Variants in RPRD2 observed in about 807,000 individuals in gnomAD.
RPRD2 encodes the protein regulation of nuclear pre-mRNA domain-containing protein 2.
In RPRD2, 12 loss-of-function variants were observed where a neutral mutation model predicts 104.4. The ratio of observed to expected loss-of-function variants is 0.11; its 90% CI spans 0.07 to 0.19. The LOEUF (loss-of-function observed/expected upper bound fraction) is 0.19. Among genes scored for constraint, RPRD2 ranks in the 10% least tolerant of loss-of-function variants. The pLI is 1.00. For synonymous variants in RPRD2, 714 were observed against 684.9 expected (o/e 1.04, Z -0.66); for missense variants, 1,543 against 1,790.1 (o/e 0.86, Z 2.49).
chr1:150,451,389 C>A (rs1323855252), intron 7 of RPRD2, among the ~76,000 whole-genome samples: 2 of 151,950 alleles, frequency 1.3e-5, no homozygotes, highest in Non-Finnish European at 2.9e-5. Context: ...AATTATGCAC[C>A]CCAGGCCGGG....
intron 7 of RPRD2, among the ~76,000 whole-genome samples, chr1:150,450,262 G>C (rs1425460716): frequency 4.6e-5 from 7 of 152,022 alleles, no homozygotes; most frequent in Admixed American, 4.6e-4. Context: ...GTTTTAGTGT[G>C]TATTTCCTAC....
At chr1:150,446,737 G>A (rs1666799519) in intron 7 of RPRD2, among the ~76,000 whole-genome samples, 1 of 151,740 alleles carries the variant, frequency 6.6e-6, no homozygotes, top group South Asian at 2.1e-4. Context: ...CAACAAGAGT[G>A]AGACCCGTCT....
At chr1:150,449,345 A>G (rs1344166016) in intron 7 of RPRD2, among the ~76,000 whole-genome samples, 2 of 152,158 alleles carry the variant, frequency 1.3e-5, no homozygotes, top group African/African-American at 2.4e-5. Flanking sequence ...GTTTTGATCT[A>G]GTCTGAAAAT....
rs374095080 is a variant in RPRD2 at position 150,472,671 on chromosome 1, G to A, written c.3723G>A (p.Ser1241=). 2.1e-5 allele frequency: 34 copies of A among 1,613,564 alleles called. No homozygotes were observed. The highest frequency in any genetic ancestry group is 1.3e-4 in the East Asian group (6 of 44,880). The change falls in exon 11 of 11, where the codon TCG becomes TCA. Residue 1241 remains serine (S), a synonymous_variant. Transcript: ENST00000369068. ...CTCATCTACCCTCTGTGGATCTTTC[G>A]AACCCCTTCACAAAGGAGGCAGCCC... ...APTHLPSVDL[S]NPFTKEAALA... is the part of the protein sequence containing the mutation.
intron 2 of RPRD2, among the ~76,000 whole-genome samples, chr1:150,426,814 T>G (rs1665160089): frequency 6.6e-6 from 1 of 152,134 alleles, no homozygotes; most frequent in East Asian, 1.9e-4. Flanking sequence ...GGTTGCACAA[T>G]ACGAATGTAC....
intron 1 of RPRD2, among the ~76,000 whole-genome samples, chr1:150,388,368 GTATACACA>G (rs200485038): frequency 0.06 from 7,016 of 117,782 alleles, 419 homozygotes; most frequent in African/African-American, 0.18. Flanking sequence ...ATATATACAT[GTATACACA>G]TATACACGTA....
chr1:150,422,693 T>C (rs1664853401), intron 2 of RPRD2, among the ~76,000 whole-genome samples: 1 of 152,226 alleles, frequency 6.6e-6, no homozygotes, highest in Non-Finnish European at 1.5e-5. Context: ...ACCATTTTTA[T>C]ATGTGTGACA....
intron 2 of RPRD2, among the ~76,000 whole-genome samples, chr1:150,427,405 A>G (rs587610442): frequency 6.6e-6 from 1 of 151,284 alleles, no homozygotes; most frequent in South Asian, 2.1e-4. Context: ...CCCAGGAGGC[A>G]GAGATTGCAG....
Position 150,446,298 on chromosome 1 carries a change from G to A in RPRD2, c.767G>A (p.Gly256Glu), listed in dbSNP as rs1666768772. 2 of 1,611,608 alleles carry A rather than the reference G, an allele frequency of 1.2e-6. No individual in the cohort carries two copies. Among genetic ancestry groups the A allele is most frequent in the Non-Finnish European group, 1.7e-6 (2 of 1,179,330 alleles). The change falls in exon 7 of 11, where the codon GGA becomes GAA. Residue 256 changes from glycine to glutamate, a missense_variant. Around this residue, in one of 4 missense-constraint regions of RPRD2, gnomAD observed 572 missense variants for 787.3 expected, o/e 0.73. Coordinates refer to ENST00000369068, the MANE Select transcript of RPRD2 (RefSeq NM_015203.5). The stretch of plus-strand genomic sequence containing the variant: ...TCCAAGCTGGAAGAATTTGTGAATG[G>A]ATTAGATAAGCAGGTGAAAAACGGA... The part of the protein sequence containing the change: ...ASSKLEEFVN[G>E]LDKQVKNGPS...
chr1:150,463,548 TTAAG>T (rs1668075729), intron 9 of RPRD2, among the ~76,000 whole-genome samples: 1 of 152,302 alleles, frequency 6.6e-6, no homozygotes, highest in African/African-American at 2.4e-5. Context: ...TGCTTCTCAC[TTAAG>T]TTTCTTTGTG....
At chr1:150,395,961 A>G (rs1400340312) in intron 1 of RPRD2, among the ~76,000 whole-genome samples, 1 of 152,224 alleles carries the variant, frequency 6.6e-6, no homozygotes, top group African/African-American at 2.4e-5. Context: ...TCCCACCAGC[A>G]GTGTAGAAGT....
At chr1:150,405,720 T>C (rs1410851517) in intron 1 of RPRD2, among the ~76,000 whole-genome samples, 4 of 152,202 alleles carry the variant, frequency 2.6e-5, no homozygotes, top group African/African-American at 9.6e-5. Flanking sequence ...TGGAAAATTG[T>C]AGAAATAAAC....
intron 1 of RPRD2, among the ~76,000 whole-genome samples, chr1:150,380,509 A>T (rs1553880587): frequency 6.6e-6 from 1 of 151,298 alleles, no homozygotes; most frequent in African/African-American, 2.4e-5. Context: ...CACCATGCCC[A>T]GCTAATTTTT....
intron 8 of RPRD2, 145 bp from the exon 9 acceptor site, chr1:150,459,915 T>G: frequency 4.2e-6 from 3 of 711,460 alleles, no homozygotes; most frequent in Admixed American, 2.9e-5. Context: ...TATGACTTTT[T>G]CAAAAAAGCA....
chr1:150,460,728 A>ATT (rs781841942), intron 9 of RPRD2, among the ~76,000 whole-genome samples: 1 of 125,632 alleles, frequency 8.0e-6, no homozygotes. Context: ...TTAATTAATG[A>ATT]TTTTTTTTTT....
At chr1:150,416,885 A>C (rs1448041471) in intron 1 of RPRD2, among the ~76,000 whole-genome samples, 5 of 151,420 alleles carry the variant, frequency 3.3e-5, no homozygotes, top group Admixed American at 6.6e-5. Flanking sequence ...AAAAAAAAAA[A>C]AAAAAACAAA....
At chr1:150,434,034 A>G (rs1665831892) in intron 2 of RPRD2, among the ~76,000 whole-genome samples, 1 of 152,118 alleles carries the variant, frequency 6.6e-6, no homozygotes, top group African/African-American at 2.4e-5. Context: ...AGCAATAAGG[A>G]TGGTGAGTCA....
At position 150,417,610 on chromosome 1, in the gene RPRD2, C is replaced by T; in HGVS notation, c.220C>T (p.Arg74Cys). Residue 74 changes from arginine to cysteine, a missense_variant, in exon 2 of 11, where the codon CGT becomes TGT. Coordinates refer to ENST00000369068, the MANE Select transcript of RPRD2 (RefSeq NM_015203.5). The part of the protein sequence containing the change: ...KWLRRSAYPH[R>C]LNLFYLANDV... ...GTCATCTCTAGCTGCATATCCCCAC[C>T]GTTTGAATCTCTTTTACCTTGCCAA... The T allele has an allele frequency of 6.4e-7, 1 of 1,574,646 alleles. No individual in the cohort carries two copies. The highest frequency in any genetic ancestry group is 8.7e-7 in the Non-Finnish European group (1 of 1,155,358).
Position 150,420,133 on chromosome 1 carries a change from A to C in RPRD2, c.335+2408A>C, listed in dbSNP as rs781860379. On this transcript the variant is annotated intron_variant, in intron 2 of 10. Coordinates refer to ENST00000369068, the MANE Select transcript of RPRD2 (RefSeq NM_015203.5). ...CAGTATAATTGTGAATAAGAACAAC[A>C]ATACACCAGAGTTTCTGCTATAAAT... Among the ~76,000 whole-genome samples, 10 of 152,370 alleles carry C rather than the reference A, an allele frequency of 6.6e-5. No homozygotes were observed. The South Asian group carries it at 1.7e-3, about 25-fold the overall frequency.
Sources: allele counts gnomAD v4.1 joint callset (sites outside exome capture counted in the v4.1 genomes callset), GRCh38; gene constraint gnomAD v4.1.1; regional missense constraint gnomAD v4.1.1; transcripts MANE v1.5; gene names NCBI Gene and HGNC (gene_info 2026-07-23, HGNC 2026-07-21).